Variants in NKAIN2 observed in about 807,000 individuals in gnomAD.
NKAIN2 encodes the protein sodium/potassium transporting ATPase interacting 2.
Under a neutral mutation model 32.6 loss-of-function variants are expected in NKAIN2, and 14 were observed. The observed-to-expected ratio is 0.43, with a 90% CI of 0.28 to 0.67. The LOEUF is 0.67. NKAIN2 is among the 30% of genes least tolerant of loss of function. The pLI, the probability that NKAIN2 is intolerant of heterozygous loss-of-function variation, is 0.17. For missense variants in NKAIN2, 198 were observed against 258.3 expected, an observed-to-expected ratio of 0.77 and a Z score of 1.60; for synonymous variants, 80 against 87.2, an observed-to-expected ratio of 0.92 and a Z score of 0.46.
At chr6:124,583,226 C>A (rs1160622748) in intron 3 of NKAIN2, among the ~76,000 whole-genome samples, 2 of 21,228 alleles carry the variant, frequency 9.4e-5, no homozygotes, top group Non-Finnish European at 2.7e-4. Flanking sequence ...CTAAAGACTC[C>A]ACCAAAAAAA....
chr6:124,218,099 A>G (rs1478448138), intron 1 of NKAIN2, among the ~76,000 whole-genome samples: 1 of 152,106 alleles, frequency 6.6e-6, no homozygotes. Flanking sequence ...TAAAAAAAAA[A>G]AAAGTGGAAA....
At chr6:124,147,941 T>C (rs1448825388) in intron 1 of NKAIN2, among the ~76,000 whole-genome samples, 1 of 152,146 alleles carries the variant, frequency 6.6e-6, no homozygotes, top group Non-Finnish European at 1.5e-5. Flanking sequence ...TAAAAACGCG[T>C]AGTCCTCATC....
intron 1 of NKAIN2, among the ~76,000 whole-genome samples, chr6:124,093,124 A>G (rs1172234380): frequency 1.3e-5 from 2 of 152,118 alleles, no homozygotes; most frequent in African/African-American, 2.4e-5. Flanking sequence ...ACTTAAAACT[A>G]TGGAACCCCC....
chr6:124,783,115 G>A (rs1279124164), intron 4 of NKAIN2, among the ~76,000 whole-genome samples: 1 of 152,140 alleles, frequency 6.6e-6, no homozygotes, highest in Non-Finnish European at 1.5e-5. Context: ...AATCTGATAT[G>A]TAAACCCTGA....
chr6:124,619,255 G>A (rs946750888), intron 3 of NKAIN2, among the ~76,000 whole-genome samples: 2 of 152,132 alleles, frequency 1.3e-5, no homozygotes, highest in African/African-American at 4.8e-5. Flanking sequence ...TGTCATGGAA[G>A]CATGATAGTT....
chr6:124,229,501 C>CAGACAGACAGAT (rs1554269615), intron 1 of NKAIN2, among the ~76,000 whole-genome samples: 3 of 142,872 alleles, frequency 2.1e-5, no homozygotes, highest in Non-Finnish European at 4.6e-5. Flanking sequence ...GATAGATAGA[C>CAGACAGACAGAT]AGATAGATAG....
chr6:124,077,246 A>G (rs983743762), intron 1 of NKAIN2, among the ~76,000 whole-genome samples: 2 of 152,228 alleles, frequency 1.3e-5, no homozygotes, highest in African/African-American at 4.8e-5. Flanking sequence ...CCACTCCCAC[A>G]CATACCCAGT....
chr6:124,634,868 A>G (rs574933120), intron 3 of NKAIN2, among the ~76,000 whole-genome samples: 1 of 152,152 alleles, frequency 6.6e-6, no homozygotes, highest in Admixed American at 6.5e-5. Flanking sequence ...TTCAAGTCAC[A>G]TATAAGGGAA....
intron 1 of NKAIN2, among the ~76,000 whole-genome samples, chr6:123,842,479 G>T (rs773362144): frequency 6.6e-6 from 1 of 151,978 alleles, no homozygotes; most frequent in Non-Finnish European, 1.5e-5. Flanking sequence ...CTCCTCAGAG[G>T]CCCTATATAC....
At chr6:124,298,213 AT>A (rs1796143979) in intron 2 of NKAIN2, among the ~76,000 whole-genome samples, 1 of 152,148 alleles carries the variant, frequency 6.6e-6, no homozygotes, top group South Asian at 2.1e-4. Context: ...TAGGGTTTCA[AT>A]ACTCTTTTAG....
At chr6:124,531,457 G>C (rs1779522346) in intron 3 of NKAIN2, among the ~76,000 whole-genome samples, 1 of 152,068 alleles carries the variant, frequency 6.6e-6, no homozygotes, top group Non-Finnish European at 1.5e-5. Context: ...GTAATGTTTT[G>C]TTGAGATTTT....
At chr6:123,883,249 A>G (rs1488265177) in intron 1 of NKAIN2, among the ~76,000 whole-genome samples, 1 of 151,966 alleles carries the variant, frequency 6.6e-6, no homozygotes, top group Non-Finnish European at 1.5e-5. Context: ...GGTTCATGCC[A>G]TTCTCCTGCC....
chr6:123,840,320 T>C (rs961172061), intron 1 of NKAIN2, among the ~76,000 whole-genome samples: 27 of 152,164 alleles, frequency 1.8e-4, no homozygotes, highest in African/African-American at 6.3e-4. Context: ...TACGTATAAA[T>C]TTATATCTCT....
intron 1 of NKAIN2, among the ~76,000 whole-genome samples, chr6:124,080,908 C>T (rs1783938848): frequency 6.6e-6 from 1 of 152,026 alleles, no homozygotes; most frequent in Non-Finnish European, 1.5e-5. Context: ...ATCAGGAGTC[C>T]TTGTAGACTA....
At chr6:124,286,978 G>A (rs1170449649) in intron 2 of NKAIN2, among the ~76,000 whole-genome samples, 4 of 151,996 alleles carry the variant, frequency 2.6e-5, no homozygotes, top group African/African-American at 7.2e-5. Flanking sequence ...CATTGTGCCC[G>A]GCCAGGGATT....
intron 4 of NKAIN2, chr6:124,658,678 A>C (rs1784633093): frequency 1.6e-6 from 1 of 606,586 alleles, no homozygotes; most frequent in Admixed American, 3.6e-5. Flanking sequence ...TTTTCCAAGG[A>C]TTCTGAAGGG....
chr6:123,834,947 T>G (rs1774551330), intron 1 of NKAIN2, among the ~76,000 whole-genome samples: 1 of 152,200 alleles, frequency 6.6e-6, no homozygotes, highest in African/African-American at 2.4e-5. Flanking sequence ...ATTCTTTTTA[T>G]ACGTTGTTGG....
At chr6:123,935,228 T>C (rs972041100) in intron 1 of NKAIN2, among the ~76,000 whole-genome samples, 2 of 150,162 alleles carry the variant, frequency 1.3e-5, no homozygotes, top group African/African-American at 2.4e-5. Context: ...TCTTGTTTTT[T>C]GGTGAAAACA....
At chr6:124,587,532 T>C (rs1202409137) in intron 3 of NKAIN2, among the ~76,000 whole-genome samples, 1 of 152,164 alleles carries the variant, frequency 6.6e-6, no homozygotes, top group Non-Finnish European at 1.5e-5. Context: ...CTCCTCTTTT[T>C]TTTACAGCTG....
Sources: gnomAD v4.1 joint callset for allele counts (sites outside exome capture counted in the v4.1 genomes callset) on GRCh38, gnomAD v4.1.1 for gene constraint, MANE v1.5 for transcripts, NCBI Gene and HGNC (gene_info 2026-07-23, HGNC 2026-07-21) for gene names.